Variants in RASSF6 observed in about 807,000 individuals in gnomAD.
The protein encoded by RASSF6 is ras association domain-containing protein 6.
Under a neutral mutation model 44.0 loss-of-function variants are expected in RASSF6, and 52 were observed. The ratio of observed to expected loss-of-function variants is 1.18; its 90% CI spans 0.95 to 1.49. The LOEUF is 1.49. RASSF6 is among the 40% of genes most tolerant of loss of function. The pLI is 0.00. For synonymous variants in RASSF6, 162 were observed against 124.6 expected (o/e 1.30, Z -2.00); for missense variants, 464 against 393.3 (o/e 1.18, Z -1.52).
chr4:73,607,589 T>C (rs1256071911), intron 2 of RASSF6, among the ~76,000 whole-genome samples: 1 of 152,196 alleles, frequency 6.6e-6, no homozygotes, highest in Non-Finnish European at 1.5e-5. Context: ...TTCAGGCCTT[T>C]AGATCTATGT....
intron 1 of RASSF6, among the ~76,000 whole-genome samples, chr4:73,616,972 TC>T (rs1302092592): frequency 2.0e-5 from 3 of 152,160 alleles, no homozygotes; most frequent in Admixed American, 6.6e-5. Context: ...TCTAGTTCTC[TC>T]AAAAAAGGAA....
Position 73,601,320 on chromosome 4 carries a change from T to C in RASSF6, c.66-2602A>G, listed in dbSNP as rs549210876. ...CACTAATTTGTCTGCTCATTGTCTA[T>C]GTCTGTTTTTCTGTTATAACTGCAG... On this transcript the variant is annotated intron_variant, in intron 2 of 10. Coordinates refer to ENST00000307439, the MANE Select transcript of RASSF6 (RefSeq NM_177532.5). 1.3e-4 allele frequency among the ~76,000 whole-genome samples: 20 copies of C among 152,204 alleles called. No homozygotes were observed. In the South Asian group the frequency reaches 4.1e-3, roughly 32 times the overall value.
intron 2 of RASSF6, 64 bp from the exon 3 acceptor site, chr4:73,598,782 G>A (rs1262563146): frequency 1.2e-5 from 8 of 684,084 alleles, no homozygotes; most frequent in Middle Eastern, 2.6e-4. Flanking sequence ...GGTGATAATG[G>A]TACTTTCATA....
intron 3 of RASSF6, among the ~76,000 whole-genome samples, chr4:73,597,346 T>TA (rs1725000007): frequency 6.6e-6 from 1 of 152,102 alleles, no homozygotes; most frequent in Non-Finnish European, 1.5e-5. Flanking sequence ...AAATAAGACA[T>TA]ACATGTGGCC....
chr4:73,577,906 T>C (rs1723341652), intron 8 of RASSF6, among the ~76,000 whole-genome samples: 1 of 152,200 alleles, frequency 6.6e-6, no homozygotes, highest in Non-Finnish European at 1.5e-5. Context: ...GTGAACTCTA[T>C]AGGTAATCTG....
intron 2 of RASSF6, among the ~76,000 whole-genome samples, chr4:73,599,024 T>G (rs931500020): frequency 1.3e-5 from 2 of 152,228 alleles, no homozygotes; most frequent in African/African-American, 4.8e-5. Context: ...TATTCCTTTT[T>G]GTATTTCAAC....
intron 2 of RASSF6, among the ~76,000 whole-genome samples, chr4:73,610,771 C>A (rs777868299): frequency 9.9e-5 from 15 of 152,178 alleles, no homozygotes; most frequent in Non-Finnish European, 2.2e-4. Flanking sequence ...TCCATTTCCT[C>A]AGCATTTATC....
chr4:73,588,018 A>T, intron 4 of RASSF6, 84 bp from the exon 5 acceptor site: 5 of 852,304 alleles, frequency 5.9e-6, no homozygotes, highest in Non-Finnish European at 9.7e-6. Context: ...ATATTAATAT[A>T]GTAATACTGT....
At chr4:73,597,060 G>A (rs1296324990) in intron 3 of RASSF6, among the ~76,000 whole-genome samples, 1 of 152,136 alleles carries the variant, frequency 6.6e-6, no homozygotes, top group Non-Finnish European at 1.5e-5. Context: ...ACACAGGCAT[G>A]GGCAAAGATT....
chr4:73,588,447 TG>T (rs1724273904), intron 4 of RASSF6, among the ~76,000 whole-genome samples: 2 of 151,972 alleles, frequency 1.3e-5, no homozygotes, highest in Non-Finnish European at 2.9e-5. Context: ...AGGAGGAAAA[TG>T]TATGAGAATT....
chr4:73,585,818 TTTTTTA>T (rs1481200236), intron 5 of RASSF6, among the ~76,000 whole-genome samples: 2 of 151,646 alleles, frequency 1.3e-5, no homozygotes, highest in Non-Finnish European at 2.9e-5. Flanking sequence ...GGATCCTTAT[TTTTTTA>T]TTTTTATTTT....
chr4:73,620,325 C>T lies in RASSF6; in HGVS notation c.-72G>A. The T allele has an allele frequency of 6.8e-7, 1 of 1,474,368 alleles. No homozygotes were observed. The highest frequency in any genetic ancestry group is 1.4e-5 in the South Asian group (1 of 71,726). The allele number at this position is 1,474,368 out of a possible 1,614,324, so 91.3% of individuals were successfully genotyped here. On this transcript the variant is annotated 5_prime_UTR_variant, in exon 1 of 11. The change abolishes an upstream ATG in the 5' untranslated region. Coordinates refer to ENST00000307439, the MANE Select transcript of RASSF6 (RefSeq NM_177532.5). Reference sequence around the variant, plus strand: ...CTGTGAGCAGGAGGACCCTTTTCACCATCGTTGTTCGGCTGAACTTGCTTC... The same window carrying T: ...CTGTGAGCAGGAGGACCCTTTTCACTATCGTTGTTCGGCTGAACTTGCTTC...
In RASSF6 at chr4:73,620,298, C is replaced by T; in HGVS notation, c.-45G>A. 5 of 1,444,042 alleles carry T rather than the reference C, an allele frequency of 3.5e-6. No individual in the cohort carries two copies. The highest frequency in any genetic ancestry group is 3.0e-5 in the South Asian group (2 of 67,154). 89.5% of individuals were successfully genotyped at this position (1,444,042 alleles called of 1,614,324 possible). On this transcript the variant is annotated 5_prime_UTR_variant, in exon 1 of 11. The change creates a new upstream start codon in the 5' untranslated region. Coordinates refer to ENST00000307439, the MANE Select transcript of RASSF6 (RefSeq NM_177532.5). ...ATCCCCATTTTTTACCTGTTATTCA[C>T]ACTGTGAGCAGGAGGACCCTTTTCA...
At position 73,616,225 on chromosome 4, in the gene RASSF6, C is replaced by CTA. The variant is rs199933024; in HGVS notation, c.-35+4061_-35+4062dup. ...CTAATATATATACATATATCTATAT[C>CTA]TATCTATCTATCTATCTATCTATCT... is the stretch of plus-strand genomic sequence containing the variant. On this transcript the variant is annotated intron_variant, in intron 1 of 10. Coordinates refer to ENST00000307439, the MANE Select transcript of RASSF6 (RefSeq NM_177532.5). Among the ~76,000 whole-genome samples the CTA allele has an allele frequency of 2.1e-3, 181 of 87,388 alleles. 2 individuals carry two copies. The highest frequency in any genetic ancestry group is 7.7e-3 in the African/African-American group (169 of 21,920). 57.3% of individuals were successfully genotyped at this position (87,388 alleles called of 152,430 possible). A position where few individuals can be genotyped will look rare whatever the true frequency, so the allele number is the denominator to read the frequency against.
Position 73,585,340 on chromosome 4 carries a change from G to C in RASSF6, c.407C>G (p.Thr136Ser). ...QEDYLSYHSN[T>S]LKPHAKDEPD... The stretch of plus-strand genomic sequence containing the variant: ...TTCATCCTTTGCATGTGGCTTCAGG[G>C]TGTTGCTGTGATAAGATAAATAGTC... The change falls in exon 6 of 11, where the codon ACC (threonine) becomes AGC (serine). Residue 136 changes from threonine to serine, a missense_variant. Physicochemically the swap from Thr to Ser is moderately conservative, Grantham distance 58 (BLOSUM62 1). Transcript: ENST00000307439. 2 of 1,596,550 alleles carry C rather than the reference G, an allele frequency of 1.3e-6. No homozygotes were observed. The highest frequency in any genetic ancestry group is 1.7e-6 in the Non-Finnish European group (2 of 1,173,178).
intron 9 of RASSF6, 51 bp downstream of exon 9, chr4:73,576,562 G>T: frequency 1.9e-6 from 3 of 1,552,996 alleles, no homozygotes; most frequent in African/African-American, 1.4e-5. Flanking sequence ...TGCAAGAGGT[G>T]CTGAGTCAGG....
rs1425945840 is a variant in RASSF6 at position 73,582,199 on chromosome 4, T to A, written c.659A>T (p.Gln220Leu). The A allele has an allele frequency of 6.5e-7, 1 of 1,530,814 alleles. No homozygotes were observed. Among genetic ancestry groups the A allele is most frequent in the Admixed American group, 1.7e-5 (1 of 57,538 alleles). 94.8% of individuals were successfully genotyped at this position (1,530,814 alleles called of 1,614,324 possible). A position where few individuals can be genotyped will look rare whatever the true frequency, so the allele number is the denominator to read the frequency against. Reference sequence around the variant, plus strand: ...AGTGATAAAGGTTACCTTAAATTTTTGGAGAAGTTGCTTTATTACTTCTTC... The same window carrying A: ...AGTGATAAAGGTTACCTTAAATTTTAGGAGAAGTTGCTTTATTACTTCTTC... ...RTEEVIKQLL[Q>L]KFKIENSPQD... is the part of the protein sequence containing the mutation. The change falls in exon 7 of 11, where the codon CAA becomes CTA. Residue 220 changes from glutamine to leucine, a missense_variant. Gln to Leu is a moderately radical substitution (Grantham distance 113). Transcript: ENST00000307439.
At chr4:73,592,281 A>G (rs1300495879) in intron 4 of RASSF6, among the ~76,000 whole-genome samples, 1 of 152,178 alleles carries the variant, frequency 6.6e-6, no homozygotes, top group East Asian at 1.9e-4. Context: ...GTGATAATTA[A>G]TTTTCCCTAG....
chr4:73,573,932 C>A lies in RASSF6; in HGVS notation c.*2303G>T, dbSNP rs188233117. The stretch of plus-strand genomic sequence containing the variant: ...CAAGAGGAAGGGGTCTTTCCTGATT[C>A]CTCCAGGCTGACAGGCCAGGCTACT... On this transcript the variant is annotated 3_prime_UTR_variant, in exon 11 of 11. Coordinates refer to ENST00000307439, the MANE Select transcript of RASSF6 (RefSeq NM_177532.5). The A allele has an allele frequency of 2.0e-5, 3 of 152,374 alleles. No individual in the cohort carries two copies. The East Asian group carries it at 5.8e-4, about 29-fold the overall frequency. 9.4% of individuals were successfully genotyped at this position (152,374 alleles called of 1,614,324 possible).
Sources: allele counts gnomAD v4.1 joint callset (sites outside exome capture counted in the v4.1 genomes callset), GRCh38; gene constraint gnomAD v4.1.1; transcripts MANE v1.5; gene names NCBI Gene and HGNC (gene_info 2026-07-23, HGNC 2026-07-21).